MAML2: variants seen among roughly 807,000 people sequenced by gnomAD.
MAML2 encodes the protein mastermind-like protein 2.
A neutral mutation model predicts 96.1 loss-of-function variants in MAML2; 22 were observed. The observed-to-expected ratio is 0.23, with a 90% CI of 0.16 to 0.33. The LOEUF (loss-of-function observed/expected upper bound fraction) is 0.33, where lower values mean the gene tolerates loss of function less well. Ranked by LOEUF, MAML2 falls within the 10% of genes least tolerant of loss-of-function variation. The pLI is 1.00. For missense variants in MAML2, 1,367 were observed against 1,392.4 expected (o/e 0.98, Z 0.29); for synonymous variants, 561 against 521.3 (o/e 1.08, Z -1.04).
chr11:96,033,296 A>G (rs1317234421), intron 2 of MAML2, among the ~76,000 whole-genome samples: 8 of 152,134 alleles, frequency 5.3e-5, no homozygotes, highest in Admixed American at 4.6e-4. Context: ...CACTTTTGCA[A>G]CATTTATCAT....
intron 1 of MAML2, among the ~76,000 whole-genome samples, chr11:96,118,849 C>T (rs1337609326): frequency 1.3e-5 from 2 of 151,256 alleles, no homozygotes; most frequent in African/African-American, 4.9e-5. Flanking sequence ...TAATCAAAGA[C>T]AAAAAAAAAT....
intron 1 of MAML2, among the ~76,000 whole-genome samples, chr11:96,094,793 A>C (rs935062522): frequency 6.6e-6 from 1 of 152,224 alleles, no homozygotes; most frequent in African/African-American, 2.4e-5. Flanking sequence ...TTCTCAGCAT[A>C]ACTGTAAAAT....
chr11:96,176,373 C>A (rs373043498), intron 1 of MAML2, among the ~76,000 whole-genome samples: 1 of 152,172 alleles, frequency 6.6e-6, no homozygotes, highest in South Asian at 2.1e-4. Context: ...CTATATTATG[C>A]GATTTATATA....
chr11:95,981,864 C>T (rs1239878106), intron 4 of MAML2, among the ~76,000 whole-genome samples: 1 of 152,090 alleles, frequency 6.6e-6, no homozygotes. Flanking sequence ...AAATTATCAC[C>T]TGTAGTCGCC....
intron 1 of MAML2, among the ~76,000 whole-genome samples, chr11:96,206,797 A>G (rs987512763): frequency 6.6e-6 from 1 of 152,224 alleles, no homozygotes; most frequent in Admixed American, 6.5e-5. Context: ...GCAGCCCTGC[A>G]ACTCCATATT....
At chr11:96,030,193 G>A (rs7933588) in intron 2 of MAML2, among the ~76,000 whole-genome samples, 24,819 of 151,476 alleles carry the variant, frequency 0.16, 2,081 homozygotes, top group Middle Eastern at 0.2. Flanking sequence ...CCGAGATTGC[G>A]CCACTGCACT....
chr11:96,021,336 G>A (rs754885482), intron 2 of MAML2, among the ~76,000 whole-genome samples: 9 of 152,206 alleles, frequency 5.9e-5, no homozygotes, highest in African/African-American at 1.4e-4. Context: ...ATGGAAAATC[G>A]ATATATTTCA....
chr11:96,261,567 T>C lies in MAML2; in HGVS notation c.513+79816A>G, dbSNP rs1266394897. Among the ~76,000 whole-genome samples the C allele has an allele frequency of 2.0e-5, 3 of 152,226 alleles. 1 individual carries two copies. Among genetic ancestry groups the C allele is most frequent in the Non-Finnish European group, 4.4e-5 (3 of 68,036 alleles). On this transcript the variant is annotated intron_variant, in intron 1 of 4. Coordinates refer to ENST00000524717, the MANE Select transcript of MAML2 (RefSeq NM_032427.4). ...CTTATTTTCCTACATGAGCCGAAGG[T>C]ATCGTCTAATGGGGTTCTTGGCTTA... is the stretch of plus-strand genomic sequence containing the variant.
intron 1 of MAML2, among the ~76,000 whole-genome samples, chr11:96,120,609 G>A (rs1860321843): frequency 6.6e-6 from 1 of 152,180 alleles, no homozygotes; most frequent in African/African-American, 2.4e-5. Flanking sequence ...ATATCATTAA[G>A]TCTTTGTAAT....
At chr11:96,010,096 A>G (rs1858243733) in intron 2 of MAML2, among the ~76,000 whole-genome samples, 1 of 152,230 alleles carries the variant, frequency 6.6e-6, no homozygotes, top group Non-Finnish European at 1.5e-5. Flanking sequence ...AGTTATCATT[A>G]TCATTATAAA....
Position 96,224,606 on chromosome 11 carries a change from A to G in MAML2, c.513+116777T>C, listed in dbSNP as rs527798819. Among the ~76,000 whole-genome samples, 4 of 152,338 alleles carry G rather than the reference A, an allele frequency of 2.6e-5. No individual in the cohort carries two copies. The South Asian group carries it at 8.3e-4, about 32-fold the overall frequency. ...GTAGCTCTCTCACAAAACTCAATAC[A>G]GTGAGCTTCATATCATATTAAGTTT... On this transcript the variant is annotated intron_variant, in intron 1 of 4. Transcript: ENST00000524717.
At chr11:96,227,331 T>C (rs1197217220) in intron 1 of MAML2, among the ~76,000 whole-genome samples, 2 of 152,230 alleles carry the variant, frequency 1.3e-5, no homozygotes, top group Non-Finnish European at 2.9e-5. Flanking sequence ...TTCCTTAATA[T>C]TGCTTTTCAT....
At chr11:96,240,448 G>T (rs1183748252) in intron 1 of MAML2, among the ~76,000 whole-genome samples, 3 of 151,072 alleles carry the variant, frequency 2.0e-5, no homozygotes, top group African/African-American at 7.3e-5. Flanking sequence ...TACTCGGGAG[G>T]CTGAGGCAGG....
intron 1 of MAML2, among the ~76,000 whole-genome samples, chr11:96,119,221 A>G (rs1860294737): frequency 6.6e-6 from 1 of 152,128 alleles, no homozygotes; most frequent in Admixed American, 6.5e-5. Flanking sequence ...ATGGCAAAAG[A>G]GACTGTGTTC....
At chr11:96,010,231 G>C (rs909869038) in intron 2 of MAML2, among the ~76,000 whole-genome samples, 16 of 152,142 alleles carry the variant, frequency 1.1e-4, no homozygotes, top group Non-Finnish European at 1.8e-4. Context: ...ATAGAAGCAA[G>C]ACTTTGAAAA....
intron 2 of MAML2, among the ~76,000 whole-genome samples, chr11:96,039,397 A>AGGAGAGG (rs1308114025): frequency 1.4e-5 from 2 of 141,906 alleles, no homozygotes; most frequent in Non-Finnish European, 3.1e-5. Context: ...GAGAGGAGAC[A>AGGAGAGG]GGAGAGGGGA....
At chr11:96,031,925 G>A (rs1858622203) in intron 2 of MAML2, among the ~76,000 whole-genome samples, 1 of 152,064 alleles carries the variant, frequency 6.6e-6, no homozygotes, top group Admixed American at 6.5e-5. Context: ...GGCAGAGCTT[G>A]CAGTGAGCTG....
intron 1 of MAML2, among the ~76,000 whole-genome samples, chr11:96,320,653 T>C (rs968091212): frequency 6.6e-6 from 1 of 152,200 alleles, no homozygotes; most frequent in African/African-American, 2.4e-5. Flanking sequence ...AATTCATTAT[T>C]ACTATAAGAA....
intron 1 of MAML2, among the ~76,000 whole-genome samples, chr11:96,282,563 C>T (rs1011343509): frequency 6.6e-6 from 1 of 152,164 alleles, no homozygotes; most frequent in African/African-American, 2.4e-5. Context: ...TAAATTATCT[C>T]TCCATCTTAC....
Sources: gnomAD v4.1 joint callset for allele counts (sites outside exome capture counted in the v4.1 genomes callset) on GRCh38, gnomAD v4.1.1 for gene constraint, MANE v1.5 for transcripts, NCBI Gene and HGNC (gene_info 2026-07-23, HGNC 2026-07-21) for gene names.